The following H6PD variants were observed in gnomAD, a reference collection of about 807,000 sequenced individuals.
H6PD encodes hexose-6-phosphate dehydrogenase/glucose 1-dehydrogenase, also known as GDH/6PGL endoplasmic bifunctional protein.
Under a neutral mutation model 61.2 loss-of-function variants are expected in H6PD, and 48 were observed. The ratio of observed to expected loss-of-function variants is 0.78; its 90% confidence interval spans 0.62 to 1.00. The LOEUF is 1.00. H6PD is among the 50% of genes least tolerant of loss of function. H6PD has a pLI of 0.00. For synonymous variants in H6PD, 480 were observed against 457.9 expected, an observed-to-expected ratio of 1.05 and a Z score of -0.62; for missense variants, 1,093 against 1,065.0, an observed-to-expected ratio of 1.03 and a Z score of -0.37.
In H6PD at chr1:9,270,859, C is replaced by CAG. The variant is rs1395094991; in HGVS notation, c.*5995_*5996dup. The CAG allele has an allele frequency of 6.6e-6, 1 of 152,182 alleles. No homozygotes were observed. Among genetic ancestry groups the CAG allele is most frequent in the Non-Finnish European group, 1.5e-5 (1 of 68,040 alleles). 9.4% of individuals were successfully genotyped at this position (152,182 alleles called of 1,614,324 possible). ...CAGCAAGAATGTTCGTGCTTTTTTC[C>CAG]AGAGAGGGGAACCCCACTGGTTTTT... On this transcript the variant is annotated 3_prime_UTR_variant, in exon 5 of 5. Coordinates refer to ENST00000377403, the MANE Select transcript of H6PD (RefSeq NM_004285.4).
At position 9,265,151 on chromosome 1, in the gene H6PD, G is replaced by A; in HGVS notation, c.*282G>A. The A allele has an allele frequency of 1.1e-5, 6 of 538,190 alleles. No individual in the cohort carries two copies. The highest frequency in any genetic ancestry group is 1.7e-5 in the Non-Finnish European group (5 of 297,068). The allele number at this position is 538,190 out of a possible 1,614,324, so 33.3% of individuals were successfully genotyped here. ...AAGTCTTAAGAAAAGACCTCCAGCA[G>A]TTACACATTCATATCAACCAGCACA... On this transcript the variant is annotated 3_prime_UTR_variant, in exon 5 of 5. Coordinates refer to ENST00000377403, the MANE Select transcript of H6PD (RefSeq NM_004285.4).
intron 3 of H6PD, among the ~76,000 whole-genome samples, chr1:9,253,166 A>ATTC (rs1163003419): frequency 1.3e-5 from 2 of 152,166 alleles, no homozygotes; most frequent in Non-Finnish European, 1.5e-5. Flanking sequence ...AAACTCTGAA[A>ATTC]AGACGGAGCC....
chr1:9,245,641 T>C lies in H6PD; in HGVS notation c.627+80T>C, dbSNP rs375492775. The C allele has an allele frequency of 2.1e-6, 3 of 1,408,938 alleles. No homozygotes were observed. The highest frequency in any genetic ancestry group is 2.8e-5 in the African/African-American group (2 of 70,964). 87.3% of individuals were successfully genotyped at this position (1,408,938 alleles called of 1,614,324 possible). On this transcript the variant is annotated intron_variant, in intron 2 of 4. Coordinates refer to ENST00000377403, the MANE Select transcript of H6PD (RefSeq NM_004285.4). The surrounding 1 kb of genome is among the most constrained non-coding windows in gnomAD (Gnocchi z 4.8). ...CCCAGCAACAAAGCCGCTCGCTCAT[T>C]GTGGAGCTAGGCCCCAAGGCATTGT...
At chr1:9,248,426 C>T (rs1641254283) in intron 3 of H6PD, among the ~76,000 whole-genome samples, 1 of 152,186 alleles carries the variant, frequency 6.6e-6, no homozygotes, top group Non-Finnish European at 1.5e-5. Flanking sequence ...CTCAGCCTCT[C>T]AGATATGGCT....
rs780755970 is a variant in H6PD, at chr1:9,264,367, C to T, written c.1874C>T (p.Pro625Leu). 2.5e-6 allele frequency: 4 copies of T among 1,612,864 alleles called. No homozygotes were observed. Among genetic ancestry groups the T allele is most frequent in the South Asian group, 1.1e-5 (1 of 91,090 alleles). Residue 625 changes from proline (P) to leucine (L), a missense_variant, in exon 5 of 5, where the codon CCA becomes CTA. Physicochemically the swap from Pro to Leu is moderately conservative, Grantham distance 98 (BLOSUM62 -3). Coordinates refer to ENST00000377403, the MANE Select transcript of H6PD (RefSeq NM_004285.4). The part of the protein sequence containing the change: ...HLWLVDERCV[P>L]LSDPESNFQG... ...TGGCTGGTTGACGAGCGCTGCGTCC[C>T]ACTCTCAGACCCGGAGTCCAACTTC... is the stretch of plus-strand genomic sequence containing the variant.
In H6PD at chr1:9,266,489, A is replaced by G. The variant is rs971558232; in HGVS notation, c.*1620A>G. On this transcript the variant is annotated 3_prime_UTR_variant, in exon 5 of 5. Coordinates refer to ENST00000377403, the MANE Select transcript of H6PD (RefSeq NM_004285.4). ...CACCACAAAGCAAAATTCCCAGGAC[A>G]TGTGTAGTTTTGTTTGTTCAGTATC... is the stretch of plus-strand genomic sequence containing the variant. 6.6e-6 allele frequency: 1 copy of G among 152,176 alleles called. No individual in the cohort carries two copies. The highest frequency in any genetic ancestry group is 1.5e-5 in the Non-Finnish European group (1 of 68,026). The allele number at this position is 152,176 out of a possible 1,614,324, so 9.4% of individuals were successfully genotyped here.
intron 3 of H6PD, among the ~76,000 whole-genome samples, chr1:9,250,957 A>G (rs571675884): frequency 7.0e-4 from 106 of 152,150 alleles, no homozygotes; most frequent in African/African-American, 2.1e-3. Flanking sequence ...GCTGCTGCAC[A>G]GGCCGGAGGG....
At chr1:9,257,331 T>C (rs543116007) in intron 3 of H6PD, among the ~76,000 whole-genome samples, 7 of 152,178 alleles carry the variant, frequency 4.6e-5, no homozygotes, top group Admixed American at 1.3e-4. Flanking sequence ...GGTCTCACTT[T>C]GTTGCCCAAG....
In H6PD at chr1:9,264,630, G is replaced by A. The variant is rs772024040; in HGVS notation, c.2137G>A (p.Glu713Lys). The part of the protein sequence containing the change: ...FPQSPTGLDG[E>K]QLVVLTTSPS... ...ACAGTCACCCACTGGCCTGGATGGC[G>A]AGCAGCTGGTCGTGCTGACCACGAG... The change falls in exon 5 of 5, where the codon GAG becomes AAG. Residue 713 changes from glutamate (E) to lysine (K), a missense_variant. Coordinates refer to ENST00000377403, the MANE Select transcript of H6PD (RefSeq NM_004285.4). 9 of 1,613,048 alleles carry A rather than the reference G, an allele frequency of 5.6e-6. No individual in the cohort carries two copies. The highest frequency in any genetic ancestry group is 3.3e-5 in the Admixed American group (2 of 60,028).
intron 1 of H6PD, among the ~76,000 whole-genome samples, chr1:9,237,857 G>C (rs1333273987): frequency 6.6e-6 from 1 of 152,194 alleles, no homozygotes; most frequent in African/African-American, 2.4e-5. Context: ...TCATTTAGCA[G>C]ATATTTATAG....
chr1:9,249,422 G>T (rs1008609230), intron 3 of H6PD, among the ~76,000 whole-genome samples: 1 of 152,204 alleles, frequency 6.6e-6, no homozygotes, highest in Admixed American at 6.5e-5. Flanking sequence ...AGGATGTTGG[G>T]TTTGAACAGC....
intron 3 of H6PD, among the ~76,000 whole-genome samples, chr1:9,258,124 C>T (rs148614166): frequency 5.3e-5 from 8 of 152,344 alleles, no homozygotes; most frequent in African/African-American, 9.6e-5. Context: ...GGAGGAGCGG[C>T]GCGGGCCGGG....
At position 9,264,856 on chromosome 1, in the gene H6PD, C is replaced by G; in HGVS notation, c.2363C>G (p.Ala788Gly). Residue 788 changes from alanine to glycine, a missense_variant, in exon 5 of 5, where the codon GCC becomes GGC. By Grantham distance (60) the Ala-to-Gly change is moderately conservative. Transcript: ENST00000377403. ...GQLVWYMDYDAFLG is the reference protein window; with the variant it reads ...GQLVWYMDYDGFLG ...CTGGTGTGGTACATGGACTACGACG[C>G]CTTCCTGGGATGAGGGCGCCTGTGC... 6 of 1,611,878 alleles carry G rather than the reference C, an allele frequency of 3.7e-6. No homozygotes were observed. The highest frequency in any genetic ancestry group is 5.1e-6 in the Non-Finnish European group (6 of 1,180,010).
rs1641146329 is a variant in H6PD at position 9,245,522 on chromosome 1, GGAGGA to G, written c.591_595del (p.Glu197AspfsTer50). ...CAGAACTCGGGACCTTTTTCCAGGAGGAGGAGATGTACCGGGTGGACCATTACTTA... is the reference window on the plus strand; with the variant it reads ...CAGAACTCGGGACCTTTTTCCAGGAGGATGTACCGGGTGGACCATTACTTA... On this transcript the variant is annotated frameshift_variant, in exon 2 of 5. Transcript: ENST00000377403. LOFTEE classifies it high-confidence loss of function. The surrounding 1 kb of genome is among the most constrained non-coding windows in gnomAD (Gnocchi z 4.8). The G allele has an allele frequency of 1.5e-5, 24 of 1,614,206 alleles. No individual in the cohort carries two copies. The highest frequency in any genetic ancestry group is 1.9e-5 in the Non-Finnish European group (23 of 1,180,014).
chr1:9,247,155 G>A lies in H6PD; in HGVS notation c.745+72G>A, dbSNP rs1464991568. The A allele has an allele frequency of 7.8e-6, 8 of 1,028,252 alleles. No individual in the cohort carries two copies. In the East Asian group the frequency reaches 1.7e-4, roughly 21 times the overall value. The allele number at this position is 1,028,252 out of a possible 1,614,324, so 63.7% of individuals were successfully genotyped here. On this transcript the variant is annotated intron_variant, in intron 3 of 4. Transcript: ENST00000377403. ...CGCTGTCTGCGGTGAGGCATGGGGC[G>A]CTTCTCAGAGGGAGGTTTTCTGTGG...
At chr1:9,262,865 A>G (rs1638372562) in intron 4 of H6PD, among the ~76,000 whole-genome samples, 2 of 152,310 alleles carry the variant, frequency 1.3e-5, no homozygotes, top group South Asian at 4.1e-4. Context: ...TACAAGCCTC[A>G]CGCACCAACC....
chr1:9,264,044 C>T lies in H6PD; in HGVS notation c.1551C>T (p.Ser517=), dbSNP rs368303814. ...GTCTGTTGGACTTTGAGTTCAGTAG[C>T]GGCCGGTTGTTCTTTTCCCAGCAGC... ...NGRLLDFEFS[S]GRLFFSQQQP... Residue 517 remains serine, a synonymous_variant, in exon 5 of 5, where the codon AGC becomes AGT. Coordinates refer to ENST00000377403, the MANE Select transcript of H6PD (RefSeq NM_004285.4). The T allele has an allele frequency of 3.7e-5, 60 of 1,614,048 alleles. No individual in the cohort carries two copies. Among genetic ancestry groups the T allele is most frequent in the African/African-American group, 9.3e-5 (7 of 74,936 alleles).
chr1:9,256,822 A>G (rs777911439), intron 3 of H6PD, among the ~76,000 whole-genome samples: 20 of 152,236 alleles, frequency 1.3e-4, no homozygotes, highest in African/African-American at 4.8e-4. Flanking sequence ...GTTCTGACCT[A>G]TTTCCTCATC....
intron 3 of H6PD, among the ~76,000 whole-genome samples, chr1:9,252,925 T>C (rs969781881): frequency 6.6e-6 from 1 of 152,174 alleles, no homozygotes; most frequent in South Asian, 2.1e-4. Context: ...GGTTGTGCTT[T>C]TCTCTATCCT....
Sources: gnomAD v4.1 joint callset for allele counts (sites outside exome capture counted in the v4.1 genomes callset) on GRCh38, gnomAD v4.1.1 for gene constraint, Gnocchi (gnomAD v3.1) non-coding constraint, MANE v1.5 for transcripts, NCBI Gene and HGNC (gene_info 2026-07-23, HGNC 2026-07-21) for gene names.